ABCB11: variants seen among roughly 807,000 people sequenced by gnomAD.
ABCB11 encodes the protein bile salt export pump.
In ABCB11, 95 loss-of-function variants were observed where a neutral mutation model predicts 148.0. That is an observed-to-expected ratio of 0.64 (90% CI 0.54 to 0.76). The LOEUF is 0.76. Among genes scored for constraint, ABCB11 ranks in the 30% least tolerant of loss-of-function variants. The pLI is 0.00. For synonymous variants in ABCB11, 591 were observed against 555.4 expected, an observed-to-expected ratio of 1.06 and a Z score of -0.90; for missense variants, 1,523 against 1,617.8, an observed-to-expected ratio of 0.94 and a Z score of 1.01.
At chr2:168,927,029 T>G (rs1691343487) in intron 26 of ABCB11, 127 bp downstream of exon 26, 3 of 903,050 alleles carry the variant, frequency 3.3e-6, no homozygotes, top group Non-Finnish European at 5.1e-6. Flanking sequence ...CATTCAAAAA[T>G]TTTTGAATTT....
At chr2:169,014,537 G>T (rs1695295715) in intron 3 of ABCB11, among the ~76,000 whole-genome samples, 183 bp from the exon 4 acceptor site, 1 of 152,138 alleles carries the variant, frequency 6.6e-6, no homozygotes, top group Admixed American at 6.5e-5. Context: ...CTCTTCTAGA[G>T]ATTTCAGTAT....
intron 21 of ABCB11, among the ~76,000 whole-genome samples, chr2:168,939,950 C>T (rs574237372): frequency 2.6e-5 from 4 of 152,146 alleles, no homozygotes; most frequent in African/African-American, 7.2e-5. Context: ...TAGAGCACCA[C>T]GAACCACGCC....
At chr2:168,932,629 A>T (rs1455320429) in intron 23 of ABCB11, 96 bp from the exon 24 acceptor site, 32 of 1,434,160 alleles carry the variant, frequency 2.2e-5, no homozygotes, top group Non-Finnish European at 3.0e-5. Context: ...TGGTTCTGCC[A>T]GGAAAGGACC....
chr2:168,995,301 T>C, intron 7 of ABCB11, 48 bp downstream of exon 7: 1 of 1,557,930 alleles, frequency 6.4e-7, no homozygotes, highest in South Asian at 1.2e-5. Flanking sequence ...ACAAGGGTTT[T>C]ATTATCCAAA....
At chr2:169,022,197 GAATT>G (rs1695560136) in intron 1 of ABCB11, among the ~76,000 whole-genome samples, 2 of 151,712 alleles carry the variant, frequency 1.3e-5, no homozygotes, top group Non-Finnish European at 1.5e-5. Context: ...ATTAATGAAT[GAATT>G]ATGTTCTAAT....
chr2:168,945,690 A>G (rs1574416981), intron 19 of ABCB11, among the ~76,000 whole-genome samples: 1 of 151,634 alleles, frequency 6.6e-6, no homozygotes, highest in East Asian at 1.9e-4. Flanking sequence ...GGGAATCGAG[A>G]TCTGGAAATG....
chr2:168,973,867 T>A (rs761204225), intron 12 of ABCB11, 27 bp from the exon 13 acceptor site: 8 of 1,607,508 alleles, frequency 5.0e-6, no homozygotes. Context: ...ACAGCAAAGT[T>A]CAGATTGTCA....
rs750215830 is a variant in ABCB11, at chr2:168,993,793, C to T, written c.701G>A (p.Gly234Glu). The T allele has an allele frequency of 6.2e-7, 1 of 1,611,172 alleles. No homozygotes were observed. The highest frequency in any genetic ancestry group is 1.3e-5 in the African/African-American group (1 of 74,812). Residue 234 changes from glycine to glutamate, a missense_variant, in exon 8 of 28, where the codon GGA becomes GAA. Transcript: ENST00000650372. Reference sequence around the variant, plus strand: ...GGTCAGTTTCCAACCCCTGAAAAATCCCAACAGGAAACCACAGATGGTCGA... The same window carrying T: ...GGTCAGTTTCCAACCCCTGAAAAATTCCAACAGGAAACCACAGATGGTCGA... ...MTSTICGFLLGFFRGWKLTLV... is the reference protein window; with the variant it reads ...MTSTICGFLLEFFRGWKLTLV...
chr2:169,023,263 C>T (rs183949338), intron 1 of ABCB11, among the ~76,000 whole-genome samples: 95 of 152,294 alleles, frequency 6.2e-4, no homozygotes, highest in Admixed American at 3.4e-3. Flanking sequence ...GCATTTAATA[C>T]GTGGCAGGCA....
chr2:168,980,064 G>T (rs552233448), intron 10 of ABCB11, 85 bp from the exon 11 acceptor site: 2 of 727,706 alleles, frequency 2.7e-6, no homozygotes, highest in Non-Finnish European at 4.7e-6. Flanking sequence ...CCATGTTAAC[G>T]CAGAGAGTTA....
At position 168,923,265 on chromosome 2, in the gene ABCB11, T is replaced by G; in HGVS notation, c.*357A>C. Reference sequence around the variant, plus strand: ...AAGACAGTTCTCTGCCCTTGAGGAGTTCAAAGTGTCACTTACTCCCTGATG... The same window carrying G: ...AAGACAGTTCTCTGCCCTTGAGGAGGTCAAAGTGTCACTTACTCCCTGATG... On this transcript the variant is annotated 3_prime_UTR_variant, in exon 28 of 28. Transcript: ENST00000650372. The G allele has an allele frequency of 3.2e-6, 1 of 307,838 alleles. No homozygotes were observed. Among genetic ancestry groups the G allele is most frequent in the South Asian group, 5.2e-5 (1 of 19,242 alleles). The allele number at this position is 307,838 out of a possible 1,614,324, so 19.1% of individuals were successfully genotyped here. A position where few individuals can be genotyped will look rare whatever the true frequency, so the allele number is the denominator to read the frequency against.
At chr2:168,919,327 CTCTT>C (rs1691010345), downstream of ABCB11, among the ~76,000 whole-genome samples, 1 of 152,180 alleles carries the variant, frequency 6.6e-6, no homozygotes. Context: ...CAATCTCACT[CTCTT>C]TGTCTTCTAT....
chr2:168,958,056 C>A lies in ABCB11; in HGVS notation c.2251G>T (p.Glu751Ter). The part of the protein sequence containing the change: ...VRRILKFSAP[E>*]WPYMLVGSVG... ...GACCCTACCAGCATGTAGGGCCATTCTGGAGCACTGAATTTCAGAATCCTC... is the reference window on the plus strand; with the variant it reads ...GACCCTACCAGCATGTAGGGCCATTATGGAGCACTGAATTTCAGAATCCTC... The change falls in exon 19 of 28, where the codon GAA becomes TAA. Residue 751 changes from glutamate (E) to a stop codon, truncating the protein, a stop_gained. Coordinates refer to ENST00000650372, the MANE Select transcript of ABCB11 (RefSeq NM_003742.4). LOFTEE classifies it high-confidence loss of function. The A allele has an allele frequency of 1.2e-6, 2 of 1,611,420 alleles. No homozygotes were observed. The highest frequency in any genetic ancestry group is 1.7e-6 in the Non-Finnish European group (2 of 1,178,342).
At chr2:168,920,702 A>G (rs1182989379), downstream of ABCB11, among the ~76,000 whole-genome samples, 1 of 152,256 alleles carries the variant, frequency 6.6e-6, no homozygotes, top group Non-Finnish European at 1.5e-5. Context: ...AGAAACAATA[A>G]GGTAAAATTG....
intron 5 of ABCB11, among the ~76,000 whole-genome samples, chr2:169,009,739 G>GA (rs1251385633): frequency 1.9e-4 from 29 of 151,240 alleles, no homozygotes; most frequent in Admixed American, 9.9e-4. Context: ...TAAAAAAAAG[G>GA]AAAAAAAAGA....
At chr2:168,924,869 A>G in intron 26 of ABCB11, 66 bp from the exon 27 acceptor site, 1 of 1,347,460 alleles carries the variant, frequency 7.4e-7, no homozygotes, top group Non-Finnish European at 1.0e-6. Flanking sequence ...TACTGAACTC[A>G]TGTCAAGGTC....
chr2:168,981,559 G>A (rs955215990), intron 10 of ABCB11, among the ~76,000 whole-genome samples: 37 of 152,160 alleles, frequency 2.4e-4, no homozygotes, highest in African/African-American at 8.9e-4. Flanking sequence ...TGTTGGTGAT[G>A]ATGATGCTGA....
At chr2:168,927,532 A>G (rs771606458) in intron 25 of ABCB11, among the ~76,000 whole-genome samples, 170 bp from the exon 26 acceptor site, 1 of 152,178 alleles carries the variant, frequency 6.6e-6, no homozygotes, top group Non-Finnish European at 1.5e-5. Flanking sequence ...TCTGGATGTA[A>G]TGTCTATCAG....
intron 5 of ABCB11, among the ~76,000 whole-genome samples, chr2:169,001,120 C>T (rs917289207): frequency 5.9e-5 from 9 of 152,082 alleles, no homozygotes; most frequent in Non-Finnish European, 1.2e-4. Flanking sequence ...CTCTACTCTC[C>T]TTCGTTAATA....
Sources: gnomAD v4.1 joint callset for allele counts (sites outside exome capture counted in the v4.1 genomes callset) on GRCh38, gnomAD v4.1.1 for gene constraint, MANE v1.5 for transcripts, NCBI Gene and HGNC (gene_info 2026-07-23, HGNC 2026-07-21) for gene names.